The following CHD9 variants were observed in gnomAD, a reference collection of about 807,000 sequenced individuals.
CHD9 encodes the protein ATP-dependent chromatin remodeler CHD9.
A neutral mutation model predicts 316.1 loss-of-function variants in CHD9; 77 were observed. The ratio of observed to expected loss-of-function variants is 0.24; its 90% CI spans 0.20 to 0.29. The LOEUF (loss-of-function observed/expected upper bound fraction) is 0.29, where lower values mean the gene tolerates loss of function less well. Ranked by LOEUF, CHD9 falls within the 10% of genes least tolerant of loss-of-function variation. CHD9 has a pLI of 1.00. For missense variants in CHD9, 2,763 were observed against 3,438.1 expected (o/e 0.80, Z 4.91); for synonymous variants, 1,129 against 1,158.3 (o/e 0.97, Z 0.51).
intron 1 of CHD9, among the ~76,000 whole-genome samples, chr16:53,133,839 T>C (rs1260425530): frequency 6.6e-6 from 1 of 152,194 alleles, no homozygotes; most frequent in Non-Finnish European, 1.5e-5. Context: ...GGCACTGTGC[T>C]AGACCTTCCT....
chr16:53,063,674 G>A (rs1355431479), intron 1 of CHD9, among the ~76,000 whole-genome samples: 2 of 151,974 alleles, frequency 1.3e-5, no homozygotes, highest in African/African-American at 4.8e-5. Context: ...TGGGACTACA[G>A]GCGCCCGCCA....
At chr16:53,261,354 T>C (rs2051088698) in intron 19 of CHD9, among the ~76,000 whole-genome samples, 1 of 144,990 alleles carries the variant, frequency 6.9e-6, no homozygotes, top group African/African-American at 2.5e-5. Context: ...TTTTGGTGTT[T>C]TAGACTTTTT....
At chr16:53,105,324 G>A (rs2037253339) in intron 1 of CHD9, among the ~76,000 whole-genome samples, 1 of 151,908 alleles carries the variant, frequency 6.6e-6, no homozygotes, top group African/African-American at 2.4e-5. Flanking sequence ...TCATATATAT[G>A]TATGTAAATG....
intron 2 of CHD9, among the ~76,000 whole-genome samples, chr16:53,175,208 G>A (rs964618509): frequency 6.6e-6 from 1 of 152,112 alleles, no homozygotes; most frequent in African/African-American, 2.4e-5. Context: ...ACCCTCTGAA[G>A]ATCTCTGGAG....
Position 53,255,763 on chromosome 16 carries a change from G to A in CHD9, c.4193G>A (p.Gly1398Glu), listed in dbSNP as rs775515224. ...ATTACAATTGAATCAGAAGGACGTG[G>A]GTCAACATTTGCCAAGGTAATAGTG... ...KTITIESEGRGSTFAKASFVA... is the reference protein window; with the variant it reads ...KTITIESEGRESTFAKASFVA... Residue 1398 changes from glycine (G) to glutamate (E), a missense_variant, in exon 19 of 39, where the codon GGG becomes GAG. Around this residue, in one of 15 missense-constraint regions of CHD9, gnomAD observed 199 missense variants for 251.7 expected, o/e 0.79. Coordinates refer to ENST00000447540, the MANE Select transcript of CHD9 (RefSeq NM_001308319.2). 6.2e-7 allele frequency: 1 copy of A among 1,613,680 alleles called. No homozygotes were observed. Among genetic ancestry groups the A allele is most frequent in the Admixed American group, 1.7e-5 (1 of 60,018 alleles).
chr16:53,121,973 G>A (rs1203521579), intron 1 of CHD9: 1 of 152,206 alleles, frequency 6.6e-6, no homozygotes, highest in Admixed American at 6.5e-5. Flanking sequence ...ATTCATTAGT[G>A]CTGAGAGACA....
chr16:53,294,688 TG>T (rs764405107), intron 29 of CHD9, among the ~76,000 whole-genome samples: 12 of 152,184 alleles, frequency 7.9e-5, no homozygotes, highest in Non-Finnish European at 1.5e-4. Context: ...ATGTCACTTT[TG>T]CCACCCTCTG....
At position 53,098,073 on chromosome 16, in the gene CHD9, T is replaced by TC. The variant is rs1157814838; in HGVS notation, c.-165+42997dup. The stretch of plus-strand genomic sequence containing the variant: ...AGGTGGAGGTTGCAGTGAGCCGAGA[T>TC]CGTGCCATTGCACTCCAGCCTGGGG... On this transcript the variant is annotated intron_variant, in intron 1 of 38. Transcript: ENST00000447540. Among the ~76,000 whole-genome samples the TC allele has an allele frequency of 2.6e-5, 4 of 152,146 alleles. No homozygotes were observed. In the East Asian group the frequency reaches 7.7e-4, roughly 29 times the overall value.
rs1460804604 is a variant in CHD9, at chr16:53,231,675, G to A, written c.2402G>A (p.Cys801Tyr). Residue 801 changes from cysteine (C) to tyrosine (Y), a missense_variant, in exon 10 of 39, where the codon TGC becomes TAC. Transcript: ENST00000447540. Reference sequence around the variant, plus strand: ...GTTATTTACTACTTAGTAAAATGGTGCTCATTGCCATATGAAGATAGTACT... The same window carrying A: ...GTTATTTACTACTTAGTAAAATGGTACTCATTGCCATATGAAGATAGTACT... ...EPVIYYLVKW[C>Y]SLPYEDSTWE... The A allele has an allele frequency of 6.2e-7, 1 of 1,601,496 alleles. No individual in the cohort carries two copies. The highest frequency in any genetic ancestry group is 8.5e-7 in the Non-Finnish European group (1 of 1,173,750).
chr16:53,101,195 CA>C (rs2036844921), intron 1 of CHD9, among the ~76,000 whole-genome samples: 1 of 151,756 alleles, frequency 6.6e-6, no homozygotes. Context: ...TCAAGAAAAG[CA>C]AGTTTATCAT....
intron 1 of CHD9, among the ~76,000 whole-genome samples, chr16:53,129,344 T>TG (rs1161209243): frequency 2.0e-5 from 3 of 152,216 alleles, no homozygotes; most frequent in Non-Finnish European, 4.4e-5. Context: ...ATAAGTGGTG[T>TG]GGGGGGCCCC....
rs112877078 is a variant in CHD9 at position 53,083,309 on chromosome 16, C to T, written c.-165+28232C>T. On this transcript the variant is annotated intron_variant, in intron 1 of 38. Transcript: ENST00000447540. ...ACTGTAGGCAGTCATTCATTTAACA[C>T]ACTTGCCCTTGCTCTGAAATTTCTC... Among the ~76,000 whole-genome samples, 218 of 152,336 alleles carry T rather than the reference C, an allele frequency of 1.4e-3. 1 individual carries two copies. The highest frequency in any genetic ancestry group is 5.1e-3 in the African/African-American group (210 of 41,580).
chr16:53,324,042 A>G lies in CHD9; in HGVS notation c.7841A>G (p.Tyr2614Cys). ...CAGGGATTTCTTCCAGAAAGCATGT[A>G]TGAACGTATTCTCACTGGTCCCGTT... ...KQSGFLPESM[Y>C]ERILTGPVVR... Residue 2614 changes from tyrosine to cysteine, a missense_variant, in exon 39 of 39, where the codon TAT becomes TGT. Tyr to Cys is a radical substitution (Grantham distance 194, BLOSUM62 -2). Around this residue, in one of 15 missense-constraint regions of CHD9, gnomAD observed 298 missense variants for 380.2 expected, o/e 0.78. Coordinates refer to ENST00000447540, the MANE Select transcript of CHD9 (RefSeq NM_001308319.2). 2 of 1,611,662 alleles carry G rather than the reference A, an allele frequency of 1.2e-6. No homozygotes were observed. Among genetic ancestry groups the G allele is most frequent in the Non-Finnish European group, 1.7e-6 (2 of 1,177,894 alleles).
At chr16:53,082,835 A>G (rs1434808055) in intron 1 of CHD9, among the ~76,000 whole-genome samples, 1 of 152,176 alleles carries the variant, frequency 6.6e-6, no homozygotes, top group Non-Finnish European at 1.5e-5. Flanking sequence ...CCCTTCTTCC[A>G]GGATACGTTC....
intron 1 of CHD9, among the ~76,000 whole-genome samples, chr16:53,105,691 G>A (rs1373572485): frequency 2.0e-5 from 3 of 152,132 alleles, no homozygotes; most frequent in Non-Finnish European, 4.4e-5. Flanking sequence ...CATAAATTCA[G>A]GTGCTTTGGA....
intron 37 of CHD9, chr16:53,319,718 T>TA: frequency 1.6e-6 from 1 of 633,206 alleles, no homozygotes; most frequent in Non-Finnish European, 2.2e-6. Flanking sequence ...TTAAACATTC[T>TA]AAATTTTATT....
intron 2 of CHD9, among the ~76,000 whole-genome samples, chr16:53,189,532 CT>C (rs1172858154): frequency 6.6e-6 from 1 of 151,358 alleles, no homozygotes; most frequent in Non-Finnish European, 1.5e-5. Flanking sequence ...GTATCTCTCT[CT>C]CTATATATAT....
At chr16:53,065,083 C>T (rs750794736) in intron 1 of CHD9, among the ~76,000 whole-genome samples, 5 of 152,192 alleles carry the variant, frequency 3.3e-5, no homozygotes, top group Admixed American at 6.5e-5. Context: ...CTTGTCAGCA[C>T]ACTCTTTCTC....
chr16:53,306,364 T>A lies in CHD9; in HGVS notation c.6747T>A (p.Gly2249=). 1.2e-6 allele frequency: 2 copies of A among 1,602,996 alleles called. No homozygotes were observed. The highest frequency in any genetic ancestry group is 1.7e-6 in the Non-Finnish European group (2 of 1,176,090). The change falls in exon 32 of 39, where the codon GGT becomes GGA. Residue 2249 remains glycine (G), a synonymous_variant. Coordinates refer to ENST00000447540, the MANE Select transcript of CHD9 (RefSeq NM_001308319.2). ...CAGAGTCTGCTTATATCTTACAAGG[T>A]GGATATATGCTGGCAGCCTCGTATT... ...GTPESAYILQ[G]GYMLAASYWP...
Sources: allele counts gnomAD v4.1 joint callset (sites outside exome capture counted in the v4.1 genomes callset), GRCh38; gene constraint gnomAD v4.1.1; regional missense constraint gnomAD v4.1.1; transcripts MANE v1.5; gene names NCBI Gene and HGNC (gene_info 2026-07-23, HGNC 2026-07-21).